The following P2RX3 variants were observed in gnomAD, a reference collection of about 807,000 sequenced individuals.
The protein encoded by P2RX3 is P2X purinoceptor 3.
A neutral mutation model predicts 51.5 loss-of-function variants in P2RX3; 41 were observed. The ratio of observed to expected loss-of-function variants is 0.80; its 90% CI spans 0.62 to 1.03. The LOEUF is 1.03. Ranked by LOEUF, P2RX3 falls within the 50% of genes least tolerant of loss-of-function variation. P2RX3 has a pLI of 0.00. For missense variants in P2RX3, 459 were observed against 522.1 expected, an observed-to-expected ratio of 0.88 and a Z score of 1.18; for synonymous variants, 185 against 191.6, an observed-to-expected ratio of 0.97 and a Z score of 0.29.
rs1224001423 is a variant in P2RX3 at position 57,348,255 on chromosome 11, A to G, written c.477A>G (p.Thr159=). The part of the protein sequence containing the change: ...IQGWCPTEVD[T]VETPIMMEAE... ...GCTGGTGCCCCACGGAGGTGGACAC[A>G]GTGGAAACGTAAGGCTCCAAGCCAG... The change falls in exon 5 of 12, where the codon ACA becomes ACG. Residue 159 remains threonine (T), a synonymous_variant. Transcript: ENST00000263314. 6 of 1,601,942 alleles carry G rather than the reference A, an allele frequency of 3.7e-6. No individual in the cohort carries two copies. The highest frequency in any genetic ancestry group is 4.3e-6 in the Non-Finnish European group (5 of 1,174,724).
Position 57,369,930 on chromosome 11 carries a change from A to C in P2RX3, c.1127A>C (p.Tyr376Ser). 6.2e-7 allele frequency: 1 copy of C among 1,614,080 alleles called. No individual in the cohort carries two copies. The highest frequency in any genetic ancestry group is 2.2e-5 in the East Asian group (1 of 44,866). Residue 376 changes from tyrosine (Y) to serine (S), a missense_variant, in exon 12 of 12, where the codon TAC becomes TCC. Tyr to Ser is a moderately radical substitution (Grantham distance 144). Transcript: ENST00000263314. The stretch of plus-strand genomic sequence containing the variant: ...ATCGCGGCTTTGACCAACCCAGTGT[A>C]CCCCAGCGACCAGACCACAGCGGAG... ...LKIAALTNPV[Y>S]PSDQTTAEKQ...
intron 8 of P2RX3, among the ~76,000 whole-genome samples, chr11:57,367,064 A>G (rs1856808678): frequency 6.6e-6 from 1 of 151,432 alleles, no homozygotes; most frequent in Non-Finnish European, 1.5e-5. Flanking sequence ...ATAGTCTGAA[A>G]GCACCTTTCA....
chr11:57,337,670 G>T (rs190461880), upstream of P2RX3, among the ~76,000 whole-genome samples: 2 of 152,190 alleles, frequency 1.3e-5, no homozygotes, highest in African/African-American at 4.8e-5. Flanking sequence ...AGGGCCTGTC[G>T]CGGGGTGGGC....
intron 8 of P2RX3, among the ~76,000 whole-genome samples, chr11:57,358,853 T>C (rs1856669932): frequency 6.6e-6 from 1 of 152,200 alleles, no homozygotes; most frequent in Non-Finnish European, 1.5e-5. Context: ...TCTTTATCTC[T>C]TGCTGGTAAT....
rs1342475032 is a variant in P2RX3 at position 57,368,361 on chromosome 11, T to C, written c.937-11T>C. ...CCCTCTGCCCACTTGCCTTGGTCTT[T>C]GTGCACACAGGCTGGCAAGTTCAAC... On this transcript the variant is annotated splice_polypyrimidine_tract_variant and intron_variant, in intron 9 of 11. Transcript: ENST00000263314. The C allele has an allele frequency of 6.2e-7, 1 of 1,614,108 alleles. No homozygotes were observed. The highest frequency in any genetic ancestry group is 8.5e-7 in the Non-Finnish European group (1 of 1,180,024).
At chr11:57,351,414 T>G (rs1177859096) in intron 8 of P2RX3, among the ~76,000 whole-genome samples, 1 of 152,248 alleles carries the variant, frequency 6.6e-6, no homozygotes, top group Non-Finnish European at 1.5e-5. Flanking sequence ...TCAATGCCTC[T>G]CCAAACAAGA....
chr11:57,346,508 CCT>C, intron 1 of P2RX3, 34 bp from the exon 2 acceptor site: 1 of 1,608,642 alleles, frequency 6.2e-7, no homozygotes, highest in Non-Finnish European at 8.5e-7. Context: ...TCTATGGACT[CCT>C]CTCTTTCTCT....
At chr11:57,352,148 G>T (rs1436396007) in intron 8 of P2RX3, among the ~76,000 whole-genome samples, 1 of 151,944 alleles carries the variant, frequency 6.6e-6, no homozygotes, top group Non-Finnish European at 1.5e-5. Flanking sequence ...CTGATACAAT[G>T]GCATACGTAA....
At chr11:57,340,183 G>C (rs1856312250) in intron 1 of P2RX3, among the ~76,000 whole-genome samples, 2 of 152,232 alleles carry the variant, frequency 1.3e-5, no homozygotes, top group Non-Finnish European at 2.9e-5. Flanking sequence ...GCCCAGGTGA[G>C]TGCAAAATCT....
intron 7 of P2RX3, chr11:57,350,207 G>C (rs753718366): frequency 8.1e-5 from 31 of 383,294 alleles, no homozygotes; most frequent in African/African-American, 1.0e-4. Flanking sequence ...AAGTAGACCT[G>C]TGGCCACTTT....
rs1034161487 is a variant in P2RX3 at position 57,371,119 on chromosome 11, A to G, written c.*1122A>G. 6.6e-6 allele frequency among the ~76,000 whole-genome samples: 1 copy of G among 152,226 alleles called. No individual in the cohort carries two copies. Among genetic ancestry groups the G allele is most frequent in the African/African-American group, 2.4e-5 (1 of 41,466 alleles). ...AATGACTGGTTCAGTGCCACAGTTC[A>G]TGGCCAAAAAGGAACCCACATGTCC... On this transcript the variant is annotated 3_prime_UTR_variant, in exon 12 of 12. Transcript: ENST00000263314.
At chr11:57,369,796 C>T (rs553081302) in intron 11 of P2RX3, 88 bp from the exon 12 acceptor site, 13 of 913,424 alleles carry the variant, frequency 1.4e-5, no homozygotes, top group Admixed American at 4.0e-5. Context: ...AGGTCATGGG[C>T]GCCCACTGCT....
intron 8 of P2RX3, among the ~76,000 whole-genome samples, chr11:57,364,329 G>A (rs939163588): frequency 1.2e-4 from 19 of 152,200 alleles, no homozygotes; most frequent in African/African-American, 4.3e-4. Flanking sequence ...CAAGAGCTCA[G>A]AGGCAGGATG....
intron 8 of P2RX3, among the ~76,000 whole-genome samples, chr11:57,359,597 T>C (rs1856684688): frequency 6.6e-6 from 1 of 152,226 alleles, no homozygotes; most frequent in Non-Finnish European, 1.5e-5. Context: ...CTCTGATGCC[T>C]ATGGCATCAT....
At chr11:57,365,813 C>G (rs919248431) in intron 8 of P2RX3, among the ~76,000 whole-genome samples, 11 of 152,222 alleles carry the variant, frequency 7.2e-5, no homozygotes, top group Non-Finnish European at 1.3e-4. Flanking sequence ...GTTCTCCTTC[C>G]CCATCACAAG....
chr11:57,357,477 A>G (rs1856648751), intron 8 of P2RX3, among the ~76,000 whole-genome samples: 1 of 152,192 alleles, frequency 6.6e-6, no homozygotes, highest in Admixed American at 6.5e-5. Flanking sequence ...TGCAACCACA[A>G]GTAGGACCAG....
In P2RX3 at chr11:57,350,926, GAGA is replaced by G. The variant is rs748733952; in HGVS notation, c.842+34_842+36del. ...AATTCCCTGTCTCCTGGGACACCAG[GAGA>G]AGAAGGTGCGGGCTGTTAACGGCAA... On this transcript the variant is annotated intron_variant, in intron 8 of 11. Coordinates refer to ENST00000263314, the MANE Select transcript of P2RX3 (RefSeq NM_002559.5). The G allele has an allele frequency of 8.7e-6, 14 of 1,613,876 alleles. 1 individual carries two copies. The highest frequency in any genetic ancestry group is 4.4e-5 in the South Asian group (4 of 91,066).
chr11:57,371,156 G>A lies in P2RX3; in HGVS notation c.*1159G>A, dbSNP rs1281853916. Among the ~76,000 whole-genome samples the A allele has an allele frequency of 1.3e-5, 2 of 152,248 alleles. No homozygotes were observed. The highest frequency in any genetic ancestry group is 4.8e-5 in the African/African-American group (2 of 41,468). On this transcript the variant is annotated 3_prime_UTR_variant, in exon 12 of 12. Coordinates refer to ENST00000263314, the MANE Select transcript of P2RX3 (RefSeq NM_002559.5). Reference sequence around the variant, plus strand: ...GAACCCACATGTCCTGGCCCTTCAGGGAAGGAGGCAAGAACAGGAAGCTGG... The same window carrying A: ...GAACCCACATGTCCTGGCCCTTCAGAGAAGGAGGCAAGAACAGGAAGCTGG...
In P2RX3 at chr11:57,369,977, G is replaced by C; in HGVS notation, c.1174G>C (p.Ala392Pro). ...GGAGAAGCAGTCCACCGATTCGGGGGCCTTCTCCATAGGCCACTAGGGCCT... is the reference window on the plus strand; with the variant it reads ...GGAGAAGCAGTCCACCGATTCGGGGCCCTTCTCCATAGGCCACTAGGGCCT... The part of the protein sequence containing the change: ...TAEKQSTDSG[A>P]FSIGH The change falls in exon 12 of 12, where the codon GCC (alanine) becomes CCC (proline). Residue 392 changes from alanine to proline, a missense_variant. Coordinates refer to ENST00000263314, the MANE Select transcript of P2RX3 (RefSeq NM_002559.5). The C allele has an allele frequency of 6.2e-7, 1 of 1,613,584 alleles. No homozygotes were observed. Among genetic ancestry groups the C allele is most frequent in the Non-Finnish European group, 8.5e-7 (1 of 1,179,682 alleles).
Sources: gnomAD v4.1 joint callset for allele counts (sites outside exome capture counted in the v4.1 genomes callset) on GRCh38, gnomAD v4.1.1 for gene constraint, MANE v1.5 for transcripts, NCBI Gene and HGNC (gene_info 2026-07-23, HGNC 2026-07-21) for gene names.